The following DAB1 variants were observed in gnomAD, a reference collection of about 807,000 sequenced individuals.
The protein encoded by DAB1 is DAB adaptor protein 1.
A neutral mutation model predicts 64.6 loss-of-function variants in DAB1; 15 were observed. The observed-to-expected ratio is 0.23, with a 90% CI of 0.16 to 0.36. The LOEUF (loss-of-function observed/expected upper bound fraction) is 0.36, where lower values mean the gene tolerates loss of function less well. DAB1 is among the 10% of genes least tolerant of loss of function. DAB1 has a pLI of 1.00. For synonymous variants in DAB1, 235 were observed against 251.9 expected (o/e 0.93, Z 0.64); for missense variants, 596 against 706.7 (o/e 0.84, Z 1.78).
At chr1:58,356,268 T>C (rs1157683815) in intron 3 of DAB1, among the ~76,000 whole-genome samples, 5 of 152,176 alleles carry the variant, frequency 3.3e-5, no homozygotes, top group Non-Finnish European at 7.3e-5. Flanking sequence ...AATGGCAGTA[T>C]TGACCTGTAT....
At chr1:58,326,345 C>A (rs1662824478) in intron 4 of DAB1, among the ~76,000 whole-genome samples, 1 of 152,170 alleles carries the variant, frequency 6.6e-6, no homozygotes, top group Non-Finnish European at 1.5e-5. Context: ...CTCTCCCTGG[C>A]TGCAGATGAA....
chr1:57,659,705 G>A (rs181056274), intron 6 of DAB1, among the ~76,000 whole-genome samples: 2 of 152,218 alleles, frequency 1.3e-5, no homozygotes, highest in African/African-American at 4.8e-5. Flanking sequence ...GCTGGGTGTG[G>A]TGGCTCACAT....
In DAB1 at chr1:57,373,338, A is replaced by T. The variant is rs548901601; in HGVS notation, c.-137+50592T>A. 2.0e-5 allele frequency among the ~76,000 whole-genome samples: 3 copies of T among 152,312 alleles called. No homozygotes were observed. The South Asian group carries it at 6.2e-4, about 32-fold the overall frequency. Reference sequence around the variant, plus strand: ...TCAGTGGTGGTTAAATTTTAACAACACATAACGGGGCTGATAGGCCAAGTG... The same window carrying T: ...TCAGTGGTGGTTAAATTTTAACAACTCATAACGGGGCTGATAGGCCAAGTG... On this transcript the variant is annotated intron_variant, in intron 1 of 14. Transcript: ENST00000371236.
intron 3 of DAB1, among the ~76,000 whole-genome samples, chr1:58,493,771 T>G (rs1458387520): frequency 6.6e-6 from 1 of 151,546 alleles, no homozygotes; most frequent in African/African-American, 2.4e-5. Flanking sequence ...TAAAAGAGGA[T>G]ACAAACAAAT....
intron 7 of DAB1, among the ~76,000 whole-genome samples, chr1:57,645,215 T>C (rs1646177776): frequency 6.6e-6 from 1 of 152,212 alleles, no homozygotes; most frequent in South Asian, 2.1e-4. Flanking sequence ...TTCTCGGTAA[T>C]GTAATTCAAT....
chr1:58,407,402 T>C (rs1330858746), intron 3 of DAB1, among the ~76,000 whole-genome samples: 2 of 152,234 alleles, frequency 1.3e-5, no homozygotes, highest in African/African-American at 4.8e-5. Flanking sequence ...AGCATGTAGA[T>C]ATTTGTTAGC....
chr1:57,116,460 T>C (rs1437134685), intron 4 of DAB1, among the ~76,000 whole-genome samples: 2 of 10,756 alleles, frequency 1.9e-4, no homozygotes, highest in African/African-American at 7.4e-4. Flanking sequence ...AGACTCTGTC[T>C]CAAAAAAAAA....
At chr1:57,756,629 G>C (rs1337823221) in intron 6 of DAB1, among the ~76,000 whole-genome samples, 1 of 151,962 alleles carries the variant, frequency 6.6e-6, no homozygotes, top group Non-Finnish European at 1.5e-5. Context: ...TCAGTGTGGG[G>C]AGATGAGAAG....
chr1:58,139,559 T>C (rs888693737), intron 5 of DAB1, among the ~76,000 whole-genome samples: 1 of 152,168 alleles, frequency 6.6e-6, no homozygotes, highest in Non-Finnish European at 1.5e-5. Context: ...ACTGCTCCTC[T>C]GATTCAATTA....
chr1:57,646,913 C>T (rs1646198509), intron 7 of DAB1, among the ~76,000 whole-genome samples: 1 of 152,230 alleles, frequency 6.6e-6, no homozygotes, highest in Non-Finnish European at 1.5e-5. Flanking sequence ...ACAGACTGCT[C>T]ATCACTGAGG....
chr1:58,346,446 T>C (rs1433757282), intron 3 of DAB1, among the ~76,000 whole-genome samples: 4 of 152,236 alleles, frequency 2.6e-5, no homozygotes, highest in Admixed American at 2.6e-4. Flanking sequence ...TCAATTTGCT[T>C]TTGTTTTATA....
At chr1:57,863,487 A>G (rs1370207016) in intron 1 of DAB1, among the ~76,000 whole-genome samples, 1 of 152,186 alleles carries the variant, frequency 6.6e-6, no homozygotes, top group Non-Finnish European at 1.5e-5. Flanking sequence ...ATCATATAAC[A>G]AGATGGCCCT....
chr1:57,557,529 TG>T (rs904404954), intron 7 of DAB1, among the ~76,000 whole-genome samples: 9 of 152,130 alleles, frequency 5.9e-5, no homozygotes, highest in Non-Finnish European at 1.0e-4. Flanking sequence ...ATACAAACTT[TG>T]GTATCAGGAG....
chr1:57,698,674 T>C (rs1392075350), intron 6 of DAB1, among the ~76,000 whole-genome samples: 1 of 152,088 alleles, frequency 6.6e-6, no homozygotes. Context: ...AACAAGGTAA[T>C]AAATGAGTGA....
intron 5 of DAB1, among the ~76,000 whole-genome samples, chr1:58,147,983 G>GAAAAA (rs58099365): frequency 1.8e-5 from 2 of 113,536 alleles, no homozygotes; most frequent in East Asian, 2.3e-4. Context: ...TATAGCTGGA[G>GAAAAA]AAAAAAAAAA....
chr1:58,458,602 G>C (rs1012080887), intron 3 of DAB1, among the ~76,000 whole-genome samples: 4 of 152,188 alleles, frequency 2.6e-5, no homozygotes, highest in Admixed American at 2.0e-4. Context: ...TTAGGAGTTC[G>C]AGACCAGCCT....
intron 3 of DAB1, among the ~76,000 whole-genome samples, chr1:58,465,549 G>C (rs1391388610): frequency 6.6e-6 from 1 of 152,202 alleles, no homozygotes; most frequent in African/African-American, 2.4e-5. Context: ...CTCAGGGTAA[G>C]GAGCAGCTTC....
chr1:58,216,412 C>T (rs1002164966), intron 4 of DAB1, among the ~76,000 whole-genome samples: 3 of 152,128 alleles, frequency 2.0e-5, no homozygotes, highest in Admixed American at 2.0e-4. Context: ...GCCACATTTT[C>T]CTTATCTAGT....
At chr1:57,351,507 C>A (rs188703897) in intron 1 of DAB1, among the ~76,000 whole-genome samples, 9 of 152,188 alleles carry the variant, frequency 5.9e-5, no homozygotes, top group African/African-American at 2.2e-4. Context: ...GCACAGCCCA[C>A]TAAGACCCAC....
Sources: allele counts gnomAD v4.1 joint callset (sites outside exome capture counted in the v4.1 genomes callset), GRCh38; gene constraint gnomAD v4.1.1; transcripts MANE v1.5; gene names NCBI Gene and HGNC (gene_info 2026-07-23, HGNC 2026-07-21).